BABAM2: variants seen among roughly 807,000 people sequenced by gnomAD.
BABAM2 encodes the protein BRISC and BRCA1 A complex member 2, also known as BRISC and BRCA1-A complex member 2.
A neutral mutation model predicts 54.7 loss-of-function variants in BABAM2; 31 were observed. The observed-to-expected ratio is 0.57, with a 90% CI of 0.43 to 0.77. BABAM2 has a LOEUF of 0.77. BABAM2 is among the 30% of genes least tolerant of loss of function. The probability of loss-of-function intolerance (pLI) is 0.00; values close to 1 mark genes in which losing one functional copy is unlikely to be tolerated. For missense variants in BABAM2, 364 were observed against 455.8 expected (o/e 0.80, Z 1.83); for synonymous variants, 167 against 162.9 (o/e 1.03, Z -0.19).
chr2:28,083,038 C>T (rs1021214869), intron 6 of BABAM2, among the ~76,000 whole-genome samples: 2 of 152,168 alleles, frequency 1.3e-5, no homozygotes, highest in Non-Finnish European at 2.9e-5. Flanking sequence ...CCAATTCTGG[C>T]ACGTAAAATG....
At chr2:28,098,767 C>G (rs988650500) in intron 6 of BABAM2, among the ~76,000 whole-genome samples, 2 of 152,138 alleles carry the variant, frequency 1.3e-5, no homozygotes, top group Non-Finnish European at 2.9e-5. Flanking sequence ...AAGAATGTAT[C>G]AAACCAAAGC....
chr2:28,151,898 T>C (rs557477890), intron 7 of BABAM2, among the ~76,000 whole-genome samples: 14 of 152,272 alleles, frequency 9.2e-5, no homozygotes, highest in Non-Finnish European at 1.6e-4. Flanking sequence ...ACACAGATTT[T>C]CCCCCACTGT....
chr2:28,199,000 T>C (rs949632315), intron 7 of BABAM2, among the ~76,000 whole-genome samples: 3 of 152,192 alleles, frequency 2.0e-5, no homozygotes, highest in Non-Finnish European at 2.9e-5. Context: ...AGTATGGTAA[T>C]TTACCTAAGA....
At chr2:28,233,420 G>T (rs1362987932) in intron 7 of BABAM2, 1 of 374,600 alleles carries the variant, frequency 2.7e-6, no homozygotes, top group Non-Finnish European at 5.4e-6. Context: ...AAGAATTAGA[G>T]ATCACAAGGC....
intron 5 of BABAM2, among the ~76,000 whole-genome samples, chr2:28,045,420 A>G (rs1315099597): frequency 1.3e-5 from 2 of 152,220 alleles, no homozygotes; most frequent in Non-Finnish European, 2.9e-5. Flanking sequence ...AATAATAATC[A>G]TACATTCATA....
chr2:28,314,478 G>A (rs528064259), intron 11 of BABAM2, among the ~76,000 whole-genome samples: 55 of 152,250 alleles, frequency 3.6e-4, no homozygotes, highest in African/African-American at 1.3e-3. Flanking sequence ...AGAACTGCAG[G>A]GTCTAGGCTG....
chr2:28,178,918 A>C (rs904948215), intron 7 of BABAM2, among the ~76,000 whole-genome samples: 3 of 152,116 alleles, frequency 2.0e-5, no homozygotes, highest in African/African-American at 7.2e-5. Context: ...GGACACATAC[A>C]TACCTACCAA....
chr2:28,334,731 G>A (rs923873565), intron 11 of BABAM2, among the ~76,000 whole-genome samples: 19 of 152,200 alleles, frequency 1.2e-4, no homozygotes, highest in South Asian at 4.1e-4. Flanking sequence ...TGGCCCTCAC[G>A]TCTGGGTGGC....
chr2:27,890,274 G>C, upstream of BABAM2: 1 of 1,613,764 alleles, frequency 6.2e-7, no homozygotes, highest in Non-Finnish European at 8.5e-7. This position sits in a 1 kb window ranked among gnomAD's most constrained non-coding sequence, Gnocchi z 4.8. Flanking sequence ...GGTCGGTCAT[G>C]CAGGAGCCCA....
chr2:28,198,208 G>C (rs1466701429), intron 7 of BABAM2, among the ~76,000 whole-genome samples: 2 of 151,534 alleles, frequency 1.3e-5, no homozygotes, highest in African/African-American at 4.9e-5. Flanking sequence ...CACCCAGGCT[G>C]GATGGAGTGC....
intron 6 of BABAM2, among the ~76,000 whole-genome samples, chr2:28,113,117 G>A (rs1250940448): frequency 6.6e-6 from 1 of 152,080 alleles, no homozygotes; most frequent in Non-Finnish European, 1.5e-5. Context: ...TTGTCAGATG[G>A]ATAGATTGCA....
At chr2:28,157,764 A>C (rs993170536) in intron 7 of BABAM2, among the ~76,000 whole-genome samples, 12 of 152,120 alleles carry the variant, frequency 7.9e-5, no homozygotes, top group African/African-American at 2.9e-4. Flanking sequence ...GGCATGCGCC[A>C]CCATGCCCAG....
chr2:28,316,289 C>G (rs1169532271), intron 11 of BABAM2, among the ~76,000 whole-genome samples: 1 of 151,894 alleles, frequency 6.6e-6, no homozygotes, highest in Non-Finnish European at 1.5e-5. Flanking sequence ...GTGATAAAGG[C>G]TCCACGCAGC....
At chr2:28,262,160 A>G (rs901955692) in intron 10 of BABAM2, among the ~76,000 whole-genome samples, 2 of 152,136 alleles carry the variant, frequency 1.3e-5, no homozygotes, top group Non-Finnish European at 2.9e-5. Flanking sequence ...GAGGTGAGGA[A>G]CTGAAAGTGG....
intron 7 of BABAM2, among the ~76,000 whole-genome samples, chr2:28,191,812 G>A (rs1366892073): frequency 3.3e-5 from 5 of 152,072 alleles, no homozygotes; most frequent in Non-Finnish European, 7.4e-5. Context: ...TTAGGAAGAC[G>A]CTATATACGT....
intron 3 of BABAM2, among the ~76,000 whole-genome samples, chr2:27,941,331 G>A (rs1226313691): frequency 1.3e-5 from 2 of 152,232 alleles, no homozygotes; most frequent in South Asian, 2.1e-4. Flanking sequence ...TTGGGAGGTC[G>A]AGGCGGGCAG....
At chr2:28,081,917 C>T (rs145063140) in intron 6 of BABAM2, among the ~76,000 whole-genome samples, 9 of 152,250 alleles carry the variant, frequency 5.9e-5, no homozygotes, top group African/African-American at 2.2e-4. Context: ...TAATAAAAAA[C>T]AATTATCTAC....
intron 5 of BABAM2, among the ~76,000 whole-genome samples, chr2:28,026,969 TAA>T (rs1374433406): frequency 9.7e-5 from 8 of 82,454 alleles, no homozygotes; most frequent in Non-Finnish European, 1.4e-4. Flanking sequence ...AATATATATA[TAA>T]ATATATAAAT....
chr2:28,187,919 C>T (rs1040540909), intron 7 of BABAM2, among the ~76,000 whole-genome samples: 15 of 152,068 alleles, frequency 9.9e-5, no homozygotes, highest in Admixed American at 4.6e-4. Flanking sequence ...CTGCCCACCT[C>T]GGCCTCCCAA....
Sources: gnomAD v4.1 joint callset for allele counts (sites outside exome capture counted in the v4.1 genomes callset) on GRCh38, gnomAD v4.1.1 for gene constraint, Gnocchi (gnomAD v3.1) non-coding constraint, MANE v1.5 for transcripts, NCBI Gene and HGNC (gene_info 2026-07-23, HGNC 2026-07-21) for gene names.